ZSWIM3: variants seen among roughly 807,000 people sequenced by gnomAD.
ZSWIM3 encodes zinc finger SWIM-type containing 3.
ZSWIM3 carries 27 observed loss-of-function variants against 47.5 expected under a neutral mutation model. The observed-to-expected ratio is 0.57, with a 90% CI of 0.42 to 0.78. ZSWIM3 has a LOEUF of 0.78. ZSWIM3 is among the 30% of genes least tolerant of loss of function. The pLI is 0.00. For synonymous variants in ZSWIM3, 333 were observed against 333.9 expected (o/e 1.00, Z 0.03); for missense variants, 689 against 861.3 (o/e 0.80, Z 2.50).
intron 1 of ZSWIM3, among the ~76,000 whole-genome samples, chr20:45,873,970 G>C (rs549690045): frequency 1.3e-5 from 2 of 152,212 alleles, no homozygotes; most frequent in Admixed American, 6.5e-5. Flanking sequence ...TTTAACTGCC[G>C]TTGTGTTTTG....
Position 45,877,901 on chromosome 20 carries a change from G to A in ZSWIM3, c.1343G>A (p.Ser448Asn), listed in dbSNP as rs1487068199. The A allele has an allele frequency of 6.2e-7, 1 of 1,614,192 alleles. No homozygotes were observed. Among genetic ancestry groups the A allele is most frequent in the Non-Finnish European group, 8.5e-7 (1 of 1,180,040 alleles). Residue 448 changes from serine (S) to asparagine (N), a missense_variant, in exon 2 of 2, where the codon AGC (serine) becomes AAC (asparagine). Transcript: ENST00000255152. Reference sequence around the variant, plus strand: ...AAATTAAAGAGAGCTCGGCCGGCAAGCATGCCACTGAAGTCCAAGAAGGCT... The same window carrying A: ...AAATTAAAGAGAGCTCGGCCGGCAAACATGCCACTGAAGTCCAAGAAGGCT... ...PPKLKRARPA[S>N]MPLKSKKAFG...
chr20:45,865,691 G>A (rs1985821307), intron 1 of ZSWIM3, among the ~76,000 whole-genome samples: 1 of 151,966 alleles, frequency 6.6e-6, no homozygotes, highest in South Asian at 2.1e-4. Context: ...TGAGAAGGGT[G>A]TGGCAATGAT....
In ZSWIM3 at chr20:45,877,021, G is replaced by T; in HGVS notation, c.463G>T (p.Val155Leu). 5 of 1,614,168 alleles carry T rather than the reference G, an allele frequency of 3.1e-6. No individual in the cohort carries two copies. Among genetic ancestry groups the T allele is most frequent in the Non-Finnish European group, 4.2e-6 (5 of 1,180,038 alleles). The change falls in exon 2 of 2, where the codon GTA (valine) becomes TTA (leucine). Residue 155 changes from valine (V) to leucine (L), a missense_variant. Val to Leu is a conservative substitution (Grantham distance 32). Coordinates refer to ENST00000255152, the MANE Select transcript of ZSWIM3 (RefSeq NM_080752.4). ...LVEPSFCLDKVQVSSKPEQEG... is the reference protein window; with the variant it reads ...LVEPSFCLDKLQVSSKPEQEG... ...TGAGCCATCGTTTTGCCTAGATAAG[G>T]TACAAGTGTCCTCAAAGCCAGAGCA...
At chr20:45,867,671 T>C (rs1985879239) in intron 1 of ZSWIM3, among the ~76,000 whole-genome samples, 1 of 152,196 alleles carries the variant, frequency 6.6e-6, no homozygotes, top group African/African-American at 2.4e-5. Context: ...CTTGAAACAT[T>C]GCTATCAACT....
intron 1 of ZSWIM3, among the ~76,000 whole-genome samples, chr20:45,863,299 C>G (rs1431831138): frequency 6.6e-6 from 1 of 152,084 alleles, no homozygotes; most frequent in South Asian, 2.1e-4. Flanking sequence ...CTTGTGGAGA[C>G]AAATACTAAT....
In ZSWIM3 at chr20:45,857,948, C is replaced by T. The variant is rs764912268; in HGVS notation, c.123C>T (p.Leu41=). The T allele has an allele frequency of 1.0e-5, 16 of 1,596,572 alleles. No homozygotes were observed. In the East Asian group the frequency reaches 3.4e-4, roughly 34 times the overall value. ...GCGTCTCCGTCCGCTTCCACAACCT[C>T]AACCATGGCACCTCCATCCGCGAAG... ...RDCVSVRFHN[L]NHGTSIREDI... Residue 41 remains leucine (L), a synonymous_variant, in exon 1 of 2, where the codon CTC becomes CTT. Coordinates refer to ENST00000255152, the MANE Select transcript of ZSWIM3 (RefSeq NM_080752.4).
At position 45,857,635 on chromosome 20, in the gene ZSWIM3, C is replaced by G; in HGVS notation, c.-191C>G. ...CCCTGTCAGATAGCAAATACACCCC[C>G]TTCCTCTTGTAACCCGGTCAGGCCT... On this transcript the variant is annotated 5_prime_UTR_variant, in exon 1 of 2. Coordinates refer to ENST00000255152, the MANE Select transcript of ZSWIM3 (RefSeq NM_080752.4). The G allele has an allele frequency of 1.4e-6, 1 of 718,610 alleles. No individual in the cohort carries two copies. The highest frequency in any genetic ancestry group is 2.4e-6 in the Non-Finnish European group (1 of 425,334). The allele number at this position is 718,610 out of a possible 1,614,324, so 44.5% of individuals were successfully genotyped here. A position where few individuals can be genotyped will look rare whatever the true frequency, so the allele number is the denominator to read the frequency against.
rs978315159 is a variant in ZSWIM3 at position 45,877,068 on chromosome 20, C to T, written c.510C>T (p.Asp170=). 6.2e-6 allele frequency: 10 copies of T among 1,614,164 alleles called. No individual in the cohort carries two copies. The Admixed American group carries it at 1.5e-4, about 24-fold the overall frequency. ...KPEQEGITPS[D]LAKIAKVMKN... is the part of the protein sequence containing the mutation. ...AGCAGGAAGGCATCACTCCTTCTGA[C>T]CTGGCCAAGATAGCAAAAGTGATGA... Residue 170 remains aspartate (D), a synonymous_variant, in exon 2 of 2, where the codon GAC becomes GAT. Transcript: ENST00000255152.
intron 1 of ZSWIM3, among the ~76,000 whole-genome samples, chr20:45,873,880 C>T (rs1409913629): frequency 6.6e-6 from 1 of 152,184 alleles, no homozygotes; most frequent in Non-Finnish European, 1.5e-5. Flanking sequence ...GGGGCATCCA[C>T]AAAGACTTTC....
intron 1 of ZSWIM3, among the ~76,000 whole-genome samples, chr20:45,874,208 T>A (rs547360888): frequency 2.0e-5 from 3 of 152,100 alleles, no homozygotes; most frequent in African/African-American, 7.2e-5. Context: ...GGTGAGACCT[T>A]GTCTCAAAAA....
chr20:45,860,349 T>C (rs1244019058), intron 1 of ZSWIM3, among the ~76,000 whole-genome samples: 1 of 151,832 alleles, frequency 6.6e-6, no homozygotes, highest in Admixed American at 6.6e-5. Context: ...ACCCCGTCTC[T>C]ACTAAAAATA....
intron 1 of ZSWIM3, among the ~76,000 whole-genome samples, chr20:45,874,471 C>T (rs1986045606): frequency 6.6e-6 from 1 of 152,132 alleles, no homozygotes; most frequent in African/African-American, 2.4e-5. Context: ...GAGATTACAC[C>T]ACTACACTCC....
chr20:45,865,083 C>G (rs1249242691), intron 1 of ZSWIM3, among the ~76,000 whole-genome samples: 1 of 150,712 alleles, frequency 6.6e-6, no homozygotes, highest in Non-Finnish European at 1.5e-5. Context: ...ATTTGGGAGG[C>G]CGAGGCGGGC....
intron 1 of ZSWIM3, among the ~76,000 whole-genome samples, chr20:45,861,031 C>A (rs141418130): frequency 6.6e-6 from 1 of 152,236 alleles, no homozygotes; most frequent in East Asian, 1.9e-4. Flanking sequence ...GAGGCTAAGA[C>A]AGGGAGATTG....
chr20:45,870,480 G>T (rs1351616369), intron 1 of ZSWIM3, among the ~76,000 whole-genome samples: 1 of 152,148 alleles, frequency 6.6e-6, no homozygotes, highest in Non-Finnish European at 1.5e-5. Flanking sequence ...AGTGATGTGG[G>T]GGAGGAATGA....
chr20:45,857,820 G>C lies in ZSWIM3; in HGVS notation c.-6G>C. On this transcript the variant is annotated 5_prime_UTR_variant, in exon 1 of 2. Transcript: ENST00000255152. Reference sequence around the variant, plus strand: ...CCAGCCCCTAGTGTGGGTTGTGGGGGCGGCCATGGAGCTGGGCAGCTGCTT... The same window carrying C: ...CCAGCCCCTAGTGTGGGTTGTGGGGCCGGCCATGGAGCTGGGCAGCTGCTT... 2 of 1,613,530 alleles carry C rather than the reference G, an allele frequency of 1.2e-6. No individual in the cohort carries two copies. Among genetic ancestry groups the C allele is most frequent in the East Asian group, 2.2e-5 (1 of 44,866 alleles).
chr20:45,857,918 G>T lies in ZSWIM3; in HGVS notation c.93G>T (p.Arg31Ser). ...AGAACAGGTGCTCCTTCATTCTCAG[G>T]GACTGCGTCTCCGTCCGCTTCCACA... The part of the protein sequence containing the change: ...KRENRCSFIL[R>S]DCVSVRFHNL... Residue 31 changes from arginine (R) to serine (S), a missense_variant, in exon 1 of 2, where the codon AGG becomes AGT. Coordinates refer to ENST00000255152, the MANE Select transcript of ZSWIM3 (RefSeq NM_080752.4). 1 of 1,613,086 alleles carries T rather than the reference G, an allele frequency of 6.2e-7. No individual in the cohort carries two copies. Among genetic ancestry groups the T allele is most frequent in the Non-Finnish European group, 8.5e-7 (1 of 1,179,704 alleles).
intron 1 of ZSWIM3, among the ~76,000 whole-genome samples, chr20:45,860,465 C>T (rs1490378325): frequency 4.8e-5 from 7 of 144,670 alleles, no homozygotes; most frequent in Non-Finnish European, 1.0e-4. Flanking sequence ...GAGCCAAGAT[C>T]GTGCCATTGC....
intron 1 of ZSWIM3, among the ~76,000 whole-genome samples, chr20:45,871,733 G>C (rs939750382): frequency 1.3e-5 from 2 of 151,452 alleles, no homozygotes; most frequent in African/African-American, 4.8e-5. Context: ...ATGGTGGCAG[G>C]CACCTGTAAT....
Sources: allele counts gnomAD v4.1 joint callset (sites outside exome capture counted in the v4.1 genomes callset), GRCh38; gene constraint gnomAD v4.1.1; transcripts MANE v1.5; gene names NCBI Gene and HGNC (gene_info 2026-07-23, HGNC 2026-07-21).